Variants in ELMO1 observed in about 807,000 individuals in gnomAD.
The protein encoded by ELMO1 is engulfment and cell motility 1, also known as engulfment and cell motility protein 1.
ELMO1 carries 26 observed loss-of-function variants against 98.9 expected under a neutral mutation model. The ratio of observed to expected loss-of-function variants is 0.26; its 90% confidence interval spans 0.19 to 0.36. The LOEUF is 0.36. Ranked by LOEUF, ELMO1 falls within the 10% of genes least tolerant of loss-of-function variation. ELMO1 has a pLI of 1.00. For synonymous variants in ELMO1, 346 were observed against 346.0 expected, an observed-to-expected ratio of 1.00 and a Z score of 0.00; for missense variants, 627 against 935.2, an observed-to-expected ratio of 0.67 and a Z score of 4.30.
chr7:37,376,866 AT>A (rs1437253853), intron 1 of ELMO1, among the ~76,000 whole-genome samples: 1 of 152,174 alleles, frequency 6.6e-6, no homozygotes, highest in Non-Finnish European at 1.5e-5. Flanking sequence ...GGAGTGTAAC[AT>A]TTTCATTTAT....
intron 16 of ELMO1, among the ~76,000 whole-genome samples, chr7:37,005,403 C>T (rs894513438): frequency 2.0e-5 from 3 of 151,812 alleles, no homozygotes; most frequent in African/African-American, 7.2e-5. Context: ...GAAGTTAAGC[C>T]ACTACTGGCT....
At chr7:36,876,165 G>A (rs1435599739) in intron 19 of ELMO1, among the ~76,000 whole-genome samples, 1 of 152,198 alleles carries the variant, frequency 6.6e-6, no homozygotes, top group Non-Finnish European at 1.5e-5. Context: ...GCTCTGGTCA[G>A]TTCCTAGTTC....
intron 10 of ELMO1, chr7:37,217,594 C>T: frequency 9.9e-6 from 4 of 402,240 alleles, no homozygotes; most frequent in South Asian, 7.0e-5. Flanking sequence ...GCAAAGAAAA[C>T]CAAGAACATG....
chr7:36,992,113 C>T (rs1318738676), intron 16 of ELMO1, among the ~76,000 whole-genome samples: 1 of 152,166 alleles, frequency 6.6e-6, no homozygotes, highest in Non-Finnish European at 1.5e-5. Flanking sequence ...CACAAAATGC[C>T]TAACATGTAA....
intron 1 of ELMO1, among the ~76,000 whole-genome samples, chr7:37,354,740 G>A (rs1281180519): frequency 6.6e-6 from 1 of 152,208 alleles, no homozygotes; most frequent in African/African-American, 2.4e-5. Context: ...CCCAGTGGAG[G>A]AGGCAAGGCT....
chr7:37,331,357 G>GTTTTTTTTTTTTTTTTTTTTTTT, intron 2 of ELMO1, among the ~76,000 whole-genome samples: 1 of 77,198 alleles, frequency 1.3e-5, no homozygotes, highest in Non-Finnish European at 2.4e-5. Context: ...TTTTTTTTTG[G>GTTTTTTTTTTTTTTTTTTTTTTT]AATTTTAGTA....
chr7:37,041,775 C>A (rs1377997498), intron 15 of ELMO1, among the ~76,000 whole-genome samples: 1 of 152,116 alleles, frequency 6.6e-6, no homozygotes, highest in African/African-American at 2.4e-5. Context: ...AGAAAAGCAA[C>A]CCCCACCCCA....
chr7:36,967,675 A>G (rs1354582700), intron 16 of ELMO1, among the ~76,000 whole-genome samples: 2 of 152,232 alleles, frequency 1.3e-5, no homozygotes, highest in South Asian at 2.1e-4. Context: ...GTAGGGATTC[A>G]GGCACCTGGT....
At chr7:37,316,164 CT>C (rs1052183987) in intron 2 of ELMO1, among the ~76,000 whole-genome samples, 1 of 152,192 alleles carries the variant, frequency 6.6e-6, no homozygotes, top group African/African-American at 2.4e-5. Context: ...TTTATTACCC[CT>C]GTGGTCCTTT....
intron 21 of ELMO1, among the ~76,000 whole-genome samples, chr7:36,860,209 T>C (rs911302600): frequency 2.6e-5 from 4 of 152,206 alleles, no homozygotes; most frequent in Non-Finnish European, 5.9e-5. Flanking sequence ...AGTTAAGTTT[T>C]TGGGGAGTCA....
At chr7:37,101,354 G>T (rs973950578) in intron 14 of ELMO1, among the ~76,000 whole-genome samples, 1 of 152,208 alleles carries the variant, frequency 6.6e-6, no homozygotes, top group African/African-American at 2.4e-5. Flanking sequence ...GTGAGTTACA[G>T]AGAAACGCCA....
chr7:37,334,061 A>G (rs897104731), intron 2 of ELMO1, among the ~76,000 whole-genome samples: 5 of 152,228 alleles, frequency 3.3e-5, no homozygotes, highest in Admixed American at 2.0e-4. Flanking sequence ...CAGCATGAGC[A>G]TCACCAGGGG....
intron 1 of ELMO1, among the ~76,000 whole-genome samples, chr7:37,384,583 G>A (rs978332200): frequency 1.5e-4 from 23 of 152,214 alleles, no homozygotes; most frequent in South Asian, 8.3e-4. Flanking sequence ...AGCCGGGCGC[G>A]GTGGTGGGCG....
chr7:37,362,662 T>G (rs1455352234), intron 1 of ELMO1, among the ~76,000 whole-genome samples: 2 of 152,148 alleles, frequency 1.3e-5, no homozygotes, highest in Non-Finnish European at 2.9e-5. Context: ...CATAGCTACT[T>G]AGGTATCTCA....
intron 1 of ELMO1, among the ~76,000 whole-genome samples, chr7:37,380,084 C>T (rs980989338): frequency 7.9e-5 from 12 of 152,180 alleles, no homozygotes; most frequent in African/African-American, 2.7e-4. Context: ...ATGCGTGACT[C>T]TTGTGTAGTA....
intron 13 of ELMO1, chr7:37,211,163 A>C (rs369662847): frequency 1.8e-6 from 1 of 559,000 alleles, no homozygotes. Flanking sequence ...GAACTGAATA[A>C]ACAAATGCAG....
At chr7:37,227,383 CTTTTTTA>C (rs1291549909) in intron 8 of ELMO1, among the ~76,000 whole-genome samples, 4 of 151,884 alleles carry the variant, frequency 2.6e-5, no homozygotes, top group African/African-American at 7.3e-5. Flanking sequence ...GTGTTTTCTT[CTTTTTTA>C]TTTTTTATTT....
chr7:37,405,818 T>C (rs1803733027), intron 1 of ELMO1, among the ~76,000 whole-genome samples: 1 of 152,160 alleles, frequency 6.6e-6, no homozygotes, highest in Non-Finnish European at 1.5e-5. Context: ...GGACAGTGCA[T>C]ATGCTGTCCC....
At chr7:37,306,557 C>G (rs889871719) in intron 4 of ELMO1, among the ~76,000 whole-genome samples, 19 of 152,150 alleles carry the variant, frequency 1.2e-4, no homozygotes, top group African/African-American at 4.6e-4. Flanking sequence ...AAAGGCTGCT[C>G]ACTGTTCCAC....
Sources: allele counts gnomAD v4.1 joint callset (sites outside exome capture counted in the v4.1 genomes callset), GRCh38; gene constraint gnomAD v4.1.1; transcripts MANE v1.5; gene names NCBI Gene and HGNC (gene_info 2026-07-23, HGNC 2026-07-21).